Variants in UPRT observed in about 807,000 individuals in gnomAD.
The protein encoded by UPRT is uracil phosphoribosyltransferase homolog, also known as RP11-311P8.3.
Under a neutral mutation model 22.6 loss-of-function variants are expected in UPRT, and 5 were observed. The ratio of observed to expected loss-of-function variants is 0.22; its 90% CI spans 0.12 to 0.47. The LOEUF (loss-of-function observed/expected upper bound fraction) is 0.47. Ranked by LOEUF, UPRT falls within the 20% of genes least tolerant of loss-of-function variation. UPRT has a pLI of 0.99. For missense variants in UPRT, 181 were observed against 239.9 expected, an observed-to-expected ratio of 0.75 and a Z score of 1.62; for synonymous variants, 77 against 87.7, an observed-to-expected ratio of 0.88 and a Z score of 0.68.
rs779214909 is a variant in UPRT at position 75,184,057 on chromosome X, GTTGCCA to G, written c.-447+16183_-447+16188del. 2.6e-3 allele frequency among the ~76,000 whole-genome samples: 286 copies of G among 112,126 alleles called. 1 individual carries two copies. The highest frequency in any genetic ancestry group is 8.6e-3 in the African/African-American group (267 of 30,872). On this transcript the variant is annotated intron_variant, in intron 4 of 13. Coordinates refer to the UPRT transcript ENST00000652605. ...ATCCCATTTGTCAATTTTGGCTTTT[GTTGCCA>G]TTGCTTTTGGTGTTTTAGACCTGAA...
intron 4 of UPRT, among the ~76,000 whole-genome samples, chrX:75,265,706 T>C (rs2082586089): frequency 8.9e-6 from 1 of 112,048 alleles, no homozygotes; most frequent in Non-Finnish European, 1.9e-5. Flanking sequence ...TGTCCAGCTT[T>C]GTTCTGTTGC....
chrX:75,268,032 G>C (rs1360273284), intron 4 of UPRT, among the ~76,000 whole-genome samples: 1 of 111,391 alleles, frequency 9.0e-6, no homozygotes, highest in Non-Finnish European at 1.9e-5. Flanking sequence ...AAGAAGAAAA[G>C]AGAGAAGAAT....
chrX:75,216,747 G>T (rs1302004188), intron 4 of UPRT, among the ~76,000 whole-genome samples: 1 of 112,050 alleles, frequency 8.9e-6, no homozygotes, highest in Admixed American at 9.4e-5. Flanking sequence ...TAGAGGAGAA[G>T]AAATAAGTAA....
At chrX:75,185,630 C>G (rs1175520897) in intron 4 of UPRT, among the ~76,000 whole-genome samples, 43 of 111,642 alleles carry the variant, frequency 3.9e-4, no homozygotes, top group Non-Finnish European at 7.0e-4. Flanking sequence ...GGTAGAATTC[C>G]GCTGTGAATC....
chrX:75,263,638 A>G (rs774476926), intron 4 of UPRT, among the ~76,000 whole-genome samples: 1 of 109,527 alleles, frequency 9.1e-6, no homozygotes, highest in Admixed American at 9.9e-5. Context: ...CTAGCAGTCT[A>G]TCAATTTTGT....
chrX:75,247,621 T>A (rs2082511568), intron 4 of UPRT, among the ~76,000 whole-genome samples: 1 of 112,751 alleles, frequency 8.9e-6, no homozygotes, highest in Admixed American at 9.3e-5. Flanking sequence ...CAAGGAGGCC[T>A]GCCTGCCTCT....
chrX:75,231,678 G>T (rs1166532632), intron 4 of UPRT, among the ~76,000 whole-genome samples: 3 of 111,695 alleles, frequency 2.7e-5, no homozygotes, highest in African/African-American at 9.8e-5. Flanking sequence ...ACAAAGAAAA[G>T]AATCTTAAGA....
intron 4 of UPRT, among the ~76,000 whole-genome samples, chrX:75,249,345 A>T (rs1405949905): frequency 9.0e-6 from 1 of 111,605 alleles, no homozygotes; most frequent in Non-Finnish European, 1.9e-5. Context: ...ATAGGCTCAA[A>T]ATAAAGGGAT....
chrX:75,287,129 A>T (rs1245332831), intron 1 of UPRT, among the ~76,000 whole-genome samples: 1 of 111,291 alleles, frequency 9.0e-6, no homozygotes, highest in African/African-American at 3.3e-5. Flanking sequence ...ACACATACGT[A>T]TGTATATGTA....
chrX:75,167,499 T>C (rs1035784394), intron 3 of UPRT, among the ~76,000 whole-genome samples: 1 of 111,998 alleles, frequency 8.9e-6, no homozygotes, highest in Non-Finnish European at 1.9e-5. Flanking sequence ...ATTAGACCCA[T>C]AATGGGGGTT....
chrX:75,235,481 C>A (rs1206187808), intron 4 of UPRT, among the ~76,000 whole-genome samples: 1 of 111,727 alleles, frequency 9.0e-6, no homozygotes. Flanking sequence ...AGGGACACAA[C>A]CAATAAAGAG....
At chrX:75,162,106 C>CTTTT in intron 2 of UPRT, among the ~76,000 whole-genome samples, 1 of 78,964 alleles carries the variant, frequency 1.3e-5, no homozygotes, top group East Asian at 3.9e-4. Flanking sequence ...TCTTTCTTTT[C>CTTTT]TTTTTTTTTT....
chrX:75,183,656 C>T (rs1481423685), intron 4 of UPRT, among the ~76,000 whole-genome samples: 2 of 111,794 alleles, frequency 1.8e-5, no homozygotes, highest in Non-Finnish European at 3.8e-5. Context: ...AAAAGTGCTC[C>T]TATTTCTCCA....
At chrX:75,185,166 A>G (rs1411936892) in intron 4 of UPRT, among the ~76,000 whole-genome samples, 1 of 111,750 alleles carries the variant, frequency 8.9e-6, no homozygotes, top group African/African-American at 3.3e-5. Flanking sequence ...TTTGTCATAG[A>G]TAGCTCTTAT....
At chrX:75,275,156 A>T (rs2082626528) in intron 1 of UPRT, among the ~76,000 whole-genome samples, 1 of 111,735 alleles carries the variant, frequency 8.9e-6, no homozygotes, top group East Asian at 2.8e-4. Context: ...CTTGGAGTTC[A>T]GGTTTACTTG....
chrX:75,234,057 C>A (rs2082450147), intron 4 of UPRT, among the ~76,000 whole-genome samples: 1 of 110,544 alleles, frequency 9.0e-6, no homozygotes, highest in African/African-American at 3.3e-5. Context: ...CGTGCAGAGA[C>A]ACACATAGGC....
chrX:75,250,305 G>C (rs985716493), intron 4 of UPRT, among the ~76,000 whole-genome samples: 2 of 109,737 alleles, frequency 1.8e-5, no homozygotes, highest in African/African-American at 6.6e-5. Context: ...AAAATTGATA[G>C]ACCACTAGCA....
At chrX:75,269,299 A>G (rs2082600477), upstream of UPRT, among the ~76,000 whole-genome samples, 2 of 112,271 alleles carry the variant, frequency 1.8e-5, no homozygotes, top group South Asian at 7.4e-4. Context: ...ATGGATAGGA[A>G]GAACCAATAT....
intron 1 of UPRT, among the ~76,000 whole-genome samples, chrX:75,291,917 A>AT (rs1445932254): frequency 2.7e-5 from 3 of 111,312 alleles, no homozygotes; most frequent in African/African-American, 6.5e-5. Context: ...GCTGAGGCTG[A>AT]TTTTTTTGTG....
Sources: gnomAD v4.1 joint callset for allele counts (sites outside exome capture counted in the v4.1 genomes callset) on GRCh38, gnomAD v4.1.1 for gene constraint, MANE v1.5 for transcripts, NCBI Gene and HGNC (gene_info 2026-07-23, HGNC 2026-07-21) for gene names.